The following UST variants were observed in gnomAD, a reference collection of about 807,000 sequenced individuals.
UST encodes uronyl 2-sulfotransferase.
A neutral mutation model predicts 45.6 loss-of-function variants in UST; 21 were observed. The observed-to-expected ratio is 0.46, with a 90% CI of 0.33 to 0.66. The LOEUF is 0.66. UST is among the 30% of genes least tolerant of loss of function. The pLI is 0.02. For missense variants in UST, 463 were observed against 512.4 expected (o/e 0.90, Z 0.93); for synonymous variants, 215 against 200.6 (o/e 1.07, Z -0.61).
chr6:148,997,549 T>C (rs1431119421), intron 5 of UST, among the ~76,000 whole-genome samples: 1 of 152,178 alleles, frequency 6.6e-6, no homozygotes, highest in Non-Finnish European at 1.5e-5. Context: ...TGTTCTCTAA[T>C]ATTTTTATTA....
At chr6:148,963,459 G>C (rs1044152386) in intron 4 of UST, among the ~76,000 whole-genome samples, 1 of 151,948 alleles carries the variant, frequency 6.6e-6, no homozygotes, top group South Asian at 2.1e-4. Context: ...GAGAAATCCA[G>C]CCAATCTCAT....
chr6:148,847,961 TG>T (rs1778021662), intron 1 of UST, among the ~76,000 whole-genome samples: 1 of 152,212 alleles, frequency 6.6e-6, no homozygotes, highest in South Asian at 2.1e-4. Context: ...AAATTTGTCA[TG>T]GGTTAAAGAG....
chr6:148,783,050 G>A (rs1210374839), intron 1 of UST, among the ~76,000 whole-genome samples: 2 of 152,136 alleles, frequency 1.3e-5, no homozygotes, highest in South Asian at 2.1e-4. Flanking sequence ...CATAGCCACC[G>A]CAAGCTTTAG....
chr6:148,895,743 G>A (rs1482355821), intron 2 of UST, among the ~76,000 whole-genome samples: 1 of 152,198 alleles, frequency 6.6e-6, no homozygotes, highest in East Asian at 1.9e-4. Flanking sequence ...TGTGAGATGT[G>A]CCTTTCACCT....
At chr6:148,866,181 A>T (rs562549202) in intron 1 of UST, among the ~76,000 whole-genome samples, 13 of 97,892 alleles carry the variant, frequency 1.3e-4, no homozygotes, top group East Asian at 4.9e-4. Context: ...TAACTAAATA[A>T]ATTTAGTGAT....
intron 5 of UST, chr6:148,993,153 A>G (rs549102225): frequency 1.2e-6 from 1 of 841,876 alleles, no homozygotes; most frequent in South Asian, 5.5e-5. Flanking sequence ...TTCGATTTCT[A>G]CATCTAAACA....
At chr6:148,764,155 C>T (rs989365157) in intron 1 of UST, among the ~76,000 whole-genome samples, 1 of 152,128 alleles carries the variant, frequency 6.6e-6, no homozygotes, top group Admixed American at 6.5e-5. Context: ...TTGTTTGTGT[C>T]ATCTACAGTT....
chr6:148,948,099 G>T (rs2114932019), intron 3 of UST, among the ~76,000 whole-genome samples: 1 of 152,166 alleles, frequency 6.6e-6, no homozygotes, highest in South Asian at 2.1e-4. Context: ...GGCGTGTGTT[G>T]CGCTGACTGC....
chr6:148,906,956 A>C (rs1333844184), intron 2 of UST, among the ~76,000 whole-genome samples: 1 of 152,220 alleles, frequency 6.6e-6, no homozygotes, highest in Non-Finnish European at 1.5e-5. Flanking sequence ...AGTTTGAGTT[A>C]TGTAAGCCTT....
intron 1 of UST, among the ~76,000 whole-genome samples, chr6:148,795,075 T>C (rs1776921903): frequency 6.6e-6 from 1 of 152,264 alleles, no homozygotes; most frequent in Admixed American, 6.5e-5. Context: ...GTTTCCTGAC[T>C]TCTGTTTCTG....
Position 148,872,943 on chromosome 6 carries a change from C to T in UST, c.248-14043C>T, listed in dbSNP as rs566105536. Among the ~76,000 whole-genome samples, 34 of 152,250 alleles carry T rather than the reference C, an allele frequency of 2.2e-4. No individual in the cohort carries two copies. In the South Asian group the frequency reaches 3.1e-3, roughly 14 times the overall value. ...TGGAAGCTGCCTGCATTCTTTGACT[C>T]GTGGTCTCTTTTGCCACGTAAAGTA... On this transcript the variant is annotated intron_variant, in intron 1 of 7. Transcript: ENST00000367463.
chr6:148,874,588 AT>A (rs1159099824), intron 1 of UST, among the ~76,000 whole-genome samples: 6 of 152,138 alleles, frequency 3.9e-5, no homozygotes, highest in African/African-American at 9.7e-5. Flanking sequence ...AGCCTTCCAG[AT>A]TTTTTTAAGC....
intron 1 of UST, among the ~76,000 whole-genome samples, chr6:148,804,957 T>C (rs1777119257): frequency 6.6e-6 from 1 of 152,066 alleles, no homozygotes; most frequent in South Asian, 2.1e-4. Context: ...TATATATGGA[T>C]ATGGTTCATA....
At chr6:148,930,578 G>A (rs189251709) in intron 2 of UST, among the ~76,000 whole-genome samples, 96 of 152,286 alleles carry the variant, frequency 6.3e-4, no homozygotes, top group Admixed American at 1.3e-3. Context: ...TCATACGATG[G>A]TGGAAAACCT....
Position 149,019,222 on chromosome 6 carries a change from G to A in UST, c.765G>A (p.Gln255=), listed in dbSNP as rs1582962263. ...ACATCATTCCGTACTTTTGTGGACA[G>A]CATCCCAGATGCAGGTAAGGGCTAA... The part of the protein sequence containing the change: ...LFYIIPYFCG[Q]HPRCREPGEW... The change falls in exon 6 of 8, where the codon CAG becomes CAA. Residue 255 remains glutamine (Q), a synonymous_variant. Coordinates refer to ENST00000367463, the MANE Select transcript of UST (RefSeq NM_005715.3). 2 of 1,613,934 alleles carry A rather than the reference G, an allele frequency of 1.2e-6. No homozygotes were observed. Among genetic ancestry groups the A allele is most frequent in the East Asian group, 4.5e-5 (2 of 44,888 alleles).
Position 148,972,640 on chromosome 6 carries a change from C to T in UST, c.681+8077C>T, listed in dbSNP as rs372097597. On this transcript the variant is annotated intron_variant, in intron 5 of 7. Coordinates refer to ENST00000367463, the MANE Select transcript of UST (RefSeq NM_005715.3). ...CACAGCCAGGTGCATCCGCCGGCCA[C>T]CTGTCAGCTGAGCTCATCTGCTGTG... is the stretch of plus-strand genomic sequence containing the variant. Among the ~76,000 whole-genome samples the T allele has an allele frequency of 9.2e-5, 14 of 152,384 alleles. 3 individuals are homozygous for T. The highest frequency in any genetic ancestry group is 3.9e-4 in the East Asian group (2 of 5,190).
intron 1 of UST, among the ~76,000 whole-genome samples, chr6:148,801,048 A>G (rs904659396): frequency 6.6e-6 from 1 of 152,194 alleles, no homozygotes; most frequent in African/African-American, 2.4e-5. Context: ...ACTGGAGCAT[A>G]GCTTGCAACT....
intron 1 of UST, among the ~76,000 whole-genome samples, chr6:148,783,453 C>T (rs1776680880): frequency 6.6e-6 from 1 of 152,112 alleles, no homozygotes; most frequent in Non-Finnish European, 1.5e-5. Context: ...TTTAATCAAC[C>T]CAGCAAAAAG....
At chr6:149,017,911 A>G (rs927237856) in intron 5 of UST, among the ~76,000 whole-genome samples, 4 of 152,096 alleles carry the variant, frequency 2.6e-5, no homozygotes, top group Admixed American at 1.3e-4. Flanking sequence ...GTTTTCATAC[A>G]CAATGAGATG....
Sources: allele counts gnomAD v4.1 joint callset (sites outside exome capture counted in the v4.1 genomes callset), GRCh38; gene constraint gnomAD v4.1.1; transcripts MANE v1.5; gene names NCBI Gene and HGNC (gene_info 2026-07-23, HGNC 2026-07-21).